Variants in GRID1 observed in about 807,000 individuals in gnomAD.
The protein encoded by GRID1 is glutamate ionotropic receptor delta type subunit 1, also known as glutamate receptor ionotropic, delta-1.
A neutral mutation model predicts 98.0 loss-of-function variants in GRID1; 28 were observed. The ratio of observed to expected loss-of-function variants is 0.29; its 90% CI spans 0.21 to 0.39. GRID1 has a LOEUF of 0.39. Ranked by LOEUF, GRID1 falls within the 10% of genes least tolerant of loss-of-function variation. GRID1 has a pLI of 1.00. For missense variants in GRID1, 1,111 were observed against 1,340.5 expected (o/e 0.83, Z 2.67); for synonymous variants, 553 against 538.5 (o/e 1.03, Z -0.37).
At chr10:86,123,414 TCA>T (rs1844706705) in intron 4 of GRID1, among the ~76,000 whole-genome samples, 1 of 152,102 alleles carries the variant, frequency 6.6e-6, no homozygotes, top group Non-Finnish European at 1.5e-5. Flanking sequence ...GGTAGGGGCA[TCA>T]CACAGTTTCA....
At chr10:86,101,337 G>GT (rs1253333375) in intron 4 of GRID1, among the ~76,000 whole-genome samples, 3 of 152,164 alleles carry the variant, frequency 2.0e-5, no homozygotes, top group Admixed American at 6.5e-5. Context: ...AATCTTATGA[G>GT]TTTTATAAAC....
chr10:85,675,770 A>G (rs1841138040), intron 12 of GRID1, among the ~76,000 whole-genome samples: 1 of 152,224 alleles, frequency 6.6e-6, no homozygotes, highest in African/African-American at 2.4e-5. Context: ...ATTAACCCAC[A>G]TAGACTAAAT....
chr10:85,941,704 T>C (rs1244536835), intron 4 of GRID1, among the ~76,000 whole-genome samples: 1 of 152,242 alleles, frequency 6.6e-6, no homozygotes, highest in African/African-American at 2.4e-5. Flanking sequence ...TAAATATATA[T>C]GCACAAGGCA....
intron 12 of GRID1, among the ~76,000 whole-genome samples, chr10:85,696,642 C>T (rs1023270589): frequency 5.3e-5 from 8 of 151,822 alleles, no homozygotes; most frequent in African/African-American, 1.2e-4. Context: ...TGCTAATTTT[C>T]GATGTTATTA....
At chr10:86,095,957 CA>C (rs1844215704) in intron 4 of GRID1, among the ~76,000 whole-genome samples, 1 of 152,156 alleles carries the variant, frequency 6.6e-6, no homozygotes, top group Non-Finnish European at 1.5e-5. Context: ...ATCATGGAAC[CA>C]ACCCAAATGC....
intron 2 of GRID1, among the ~76,000 whole-genome samples, chr10:86,352,398 G>A (rs1190574318): frequency 1.3e-5 from 2 of 152,206 alleles, no homozygotes; most frequent in Non-Finnish European, 2.9e-5. Flanking sequence ...TAGACAGGTG[G>A]ATTAAACAAC....
intron 8 of GRID1, among the ~76,000 whole-genome samples, chr10:85,749,714 T>C (rs575726202): frequency 3.3e-5 from 5 of 152,298 alleles, no homozygotes; most frequent in African/African-American, 1.2e-4. Context: ...CACTTTCTGT[T>C]CCTCAGACAG....
chr10:85,613,711 G>A, intron 14 of GRID1, 64 bp from the exon 15 acceptor site: 1 of 1,563,590 alleles, frequency 6.4e-7, no homozygotes, highest in Non-Finnish European at 8.7e-7. Context: ...CCGGGGCCCT[G>A]GCCCCTGCCC....
intron 8 of GRID1, among the ~76,000 whole-genome samples, chr10:85,756,568 G>C (rs766152187): frequency 1.3e-5 from 2 of 152,150 alleles, no homozygotes; most frequent in Admixed American, 6.5e-5. Flanking sequence ...CTGGACAAAG[G>C]GATGATTCAT....
At chr10:85,735,329 C>G (rs959740947) in intron 8 of GRID1, among the ~76,000 whole-genome samples, 1 of 152,154 alleles carries the variant, frequency 6.6e-6, no homozygotes, top group Non-Finnish European at 1.5e-5. Flanking sequence ...ATCTGCTCTA[C>G]CCAAACCAGA....
At chr10:85,785,723 C>T (rs944703128) in intron 8 of GRID1, among the ~76,000 whole-genome samples, 1 of 152,024 alleles carries the variant, frequency 6.6e-6, no homozygotes, top group African/African-American at 2.4e-5. Flanking sequence ...TGGTTTACAC[C>T]CAACTTTACC....
intron 4 of GRID1, among the ~76,000 whole-genome samples, chr10:85,990,399 A>C (rs1564644138): frequency 6.6e-6 from 1 of 152,238 alleles, no homozygotes; most frequent in Admixed American, 6.5e-5. Flanking sequence ...AGTGTGATCA[A>C]GGCAGGAATG....
At chr10:86,016,756 AT>A (rs1335289070) in intron 4 of GRID1, among the ~76,000 whole-genome samples, 1 of 152,120 alleles carries the variant, frequency 6.6e-6, no homozygotes, top group Admixed American at 6.5e-5. Context: ...TCTGCCTCCC[AT>A]TTCTAAACCC....
chr10:86,243,530 A>G (rs1846671059), intron 2 of GRID1, among the ~76,000 whole-genome samples: 2 of 152,194 alleles, frequency 1.3e-5, no homozygotes. Context: ...AGATGAGGAA[A>G]CTGAGGCTCA....
At chr10:85,793,838 C>T (rs559166398) in intron 8 of GRID1, among the ~76,000 whole-genome samples, 1 of 152,262 alleles carries the variant, frequency 6.6e-6, no homozygotes, top group African/African-American at 2.4e-5. Flanking sequence ...ATGAACTCTG[C>T]AGAGCATTCC....
At chr10:85,912,973 G>A (rs1841561994) in intron 5 of GRID1, among the ~76,000 whole-genome samples, 1 of 152,082 alleles carries the variant, frequency 6.6e-6, no homozygotes, top group Non-Finnish European at 1.5e-5. Flanking sequence ...GTGTTCAATT[G>A]GGGCCATGCT....
intron 2 of GRID1, chr10:86,264,723 C>A: frequency 2.1e-6 from 1 of 486,920 alleles, no homozygotes. Flanking sequence ...GCAGGCCCAG[C>A]CCCTGCCTCC....
chr10:85,890,400 T>C (rs1348878499), intron 5 of GRID1, among the ~76,000 whole-genome samples: 1 of 152,168 alleles, frequency 6.6e-6, no homozygotes, highest in Non-Finnish European at 1.5e-5. Context: ...TACCACATTG[T>C]ACCACCCATA....
intron 8 of GRID1, among the ~76,000 whole-genome samples, chr10:85,797,771 T>C (rs573136816): frequency 6.2e-4 from 95 of 152,236 alleles, no homozygotes; most frequent in Non-Finnish European, 1.1e-3. Context: ...TTACAACACA[T>C]GTTTCTTTCC....
Sources: allele counts gnomAD v4.1 joint callset (sites outside exome capture counted in the v4.1 genomes callset), GRCh38; gene constraint gnomAD v4.1.1; transcripts MANE v1.5; gene names NCBI Gene and HGNC (gene_info 2026-07-23, HGNC 2026-07-21).